Variants in RAB14 observed in about 807,000 individuals in gnomAD.
RAB14 encodes the protein RAB14, member RAS oncogene family.
Under a neutral mutation model 31.1 loss-of-function variants are expected in RAB14, and 3 were observed. The ratio of observed to expected loss-of-function variants is 0.10; its 90% CI spans 0.04 to 0.25. RAB14 has a LOEUF of 0.25. RAB14 is among the 10% of genes least tolerant of loss of function. The probability of loss-of-function intolerance (pLI) is 1.00; values close to 1 mark genes in which losing one functional copy is unlikely to be tolerated. For missense variants in RAB14, 111 were observed against 260.1 expected (o/e 0.43, Z 3.94); for synonymous variants, 85 against 84.9 (o/e 1.00, Z 0.00).
At chr9:121,182,213 C>G (rs996882769) in intron 7 of RAB14, among the ~76,000 whole-genome samples, 4 of 152,282 alleles carry the variant, frequency 2.6e-5, no homozygotes, top group African/African-American at 9.6e-5. Context: ...AGAGAGGATA[C>G]TCCAAACAGA....
At chr9:121,182,143 T>G (rs925915298) in intron 7 of RAB14, among the ~76,000 whole-genome samples, 5 of 152,204 alleles carry the variant, frequency 3.3e-5, no homozygotes, top group Non-Finnish European at 7.3e-5. Flanking sequence ...TATGCAATCA[T>G]TAAAATACTG....
chr9:121,193,121 C>T (rs2053695848), intron 2 of RAB14, among the ~76,000 whole-genome samples: 2 of 152,072 alleles, frequency 1.3e-5, no homozygotes, highest in Non-Finnish European at 2.9e-5. Context: ...TTTCAAGCAG[C>T]CCTCAAGAAC....
At chr9:121,198,728 A>G (rs762701464) in intron 1 of RAB14, among the ~76,000 whole-genome samples, 1 of 152,228 alleles carries the variant, frequency 6.6e-6, no homozygotes, top group African/African-American at 2.4e-5. Context: ...TTAGCAAGAC[A>G]GCAATGATCA....
rs564562685 is a variant in RAB14, at chr9:121,182,393, G to A, written c.470+537C>T. On this transcript the variant is annotated intron_variant, in intron 7 of 7. Transcript: ENST00000373840. ...ACTAATAGCACAGCTGAGACTAAAC[G>A]AAAACAGGTTAGCCTCTCCTCACCA... Among the ~76,000 whole-genome samples, 113 of 152,276 alleles carry A rather than the reference G, an allele frequency of 7.4e-4. 1 individual carries two copies. The South Asian group carries it at 8.5e-3, about 11-fold the overall frequency.
In RAB14 at chr9:121,181,046, CCGTA is replaced by C; in HGVS notation, c.*346_*349del. The C allele has an allele frequency of 5.6e-6, 1 of 177,168 alleles. No individual in the cohort carries two copies. Among genetic ancestry groups the C allele is most frequent in the Non-Finnish European group, 1.2e-5 (1 of 84,584 alleles). 11.0% of individuals were successfully genotyped at this position (177,168 alleles called of 1,614,324 possible). ...AGGCTTAAGATATCACCAAATTAAA[CCGTA>C]CAGTGAGACAAAGCCTTGCCAAAGG... is the stretch of plus-strand genomic sequence containing the variant. On this transcript the variant is annotated 3_prime_UTR_variant, in exon 8 of 8. Transcript: ENST00000373840.
intron 5 of RAB14, among the ~76,000 whole-genome samples, chr9:121,183,940 A>G (rs2053646632): frequency 6.6e-6 from 1 of 152,202 alleles, no homozygotes; most frequent in Admixed American, 6.5e-5. Context: ...AGAGGAGAAG[A>G]TTCATGGCTT....
At chr9:121,182,658 A>C (rs1300563888) in intron 7 of RAB14, among the ~76,000 whole-genome samples, 1 of 152,230 alleles carries the variant, frequency 6.6e-6, no homozygotes, top group Non-Finnish European at 1.5e-5. Flanking sequence ...GGAAAAGTCA[A>C]ACACTTTTGA....
At chr9:121,189,765 C>A (rs2053676744) in intron 4 of RAB14, among the ~76,000 whole-genome samples, 1 of 152,102 alleles carries the variant, frequency 6.6e-6, no homozygotes, top group Admixed American at 6.6e-5. Context: ...GCTTTAAACT[C>A]TAATTATCAC....
intron 1 of RAB14, among the ~76,000 whole-genome samples, chr9:121,196,214 T>C (rs919808016): frequency 6.6e-6 from 1 of 152,156 alleles, no homozygotes; most frequent in African/African-American, 2.4e-5. Context: ...ATTCTATAAC[T>C]TGTATACAAC....
At chr9:121,192,925 GA>G (rs1263754608) in intron 2 of RAB14, among the ~76,000 whole-genome samples, 3 of 151,610 alleles carry the variant, frequency 2.0e-5, no homozygotes, top group African/African-American at 7.3e-5. Flanking sequence ...GAAACTTAAG[GA>G]AAAAAACACC....
intron 5 of RAB14, among the ~76,000 whole-genome samples, chr9:121,184,916 C>T (rs1054977822): frequency 1.3e-5 from 2 of 152,196 alleles, no homozygotes; most frequent in Admixed American, 1.3e-4. Flanking sequence ...AGAAATACTG[C>T]CCTGCTCCTG....
intron 2 of RAB14, among the ~76,000 whole-genome samples, chr9:121,192,749 T>C (rs545289614): frequency 5.9e-5 from 9 of 152,212 alleles, no homozygotes; most frequent in African/African-American, 1.2e-4. Flanking sequence ...GACTGTACTA[T>C]AGCAATGTTA....
At chr9:121,194,145 G>A (rs1241745166) in intron 1 of RAB14, among the ~76,000 whole-genome samples, 5 of 143,054 alleles carry the variant, frequency 3.5e-5, no homozygotes, top group African/African-American at 1.3e-4. Context: ...TTGAAGACCA[G>A]GCTGGTCTTG....
At chr9:121,195,132 T>C (rs1564321793) in intron 1 of RAB14, among the ~76,000 whole-genome samples, 1 of 152,160 alleles carries the variant, frequency 6.6e-6, no homozygotes, top group Non-Finnish European at 1.5e-5. Context: ...AGACTAAAAC[T>C]GGTCTGGATT....
intron 2 of RAB14, 70 bp downstream of exon 2, chr9:121,193,287 TTAAG>T: frequency 1.0e-6 from 1 of 1,002,078 alleles, no homozygotes. Context: ...GTGGTACTGT[TTAAG>T]TATTAACATA....
chr9:121,189,904 A>G (rs1222566781), intron 4 of RAB14, among the ~76,000 whole-genome samples: 1 of 152,124 alleles, frequency 6.6e-6, no homozygotes, highest in African/African-American at 2.4e-5. Context: ...TGCAGGGTCT[A>G]ATCAAGTGGC....
At position 121,192,183 on chromosome 9, in the gene RAB14, T is replaced by C; in HGVS notation, c.94A>G (p.Thr32Ala). The change falls in exon 3 of 8, where the codon ACA (threonine) becomes GCA (alanine). Residue 32 changes from threonine to alanine, a missense_variant. Physicochemically the swap from Thr to Ala is moderately conservative, Grantham distance 58. Coordinates refer to ENST00000373840, the MANE Select transcript of RAB14 (RefSeq NM_016322.4). Reference sequence around the variant, plus strand: ...GTATTGAACTTACATTTTTTTTCTGTAAATTGATGAAGCAAGCAAGATTTT... The same window carrying C: ...GTATTGAACTTACATTTTTTTTCTGCAAATTGATGAAGCAAGCAAGATTTT... ...VGKSCLLHQF[T>A]EKKFMADCPH... 1 of 1,596,198 alleles carries C rather than the reference T, an allele frequency of 6.3e-7. No individual in the cohort carries two copies. Among genetic ancestry groups the C allele is most frequent in the Non-Finnish European group, 8.6e-7 (1 of 1,167,642 alleles).
intron 1 of RAB14, among the ~76,000 whole-genome samples, chr9:121,197,550 A>ATTAATT (rs2053724925): frequency 6.6e-6 from 1 of 152,248 alleles, no homozygotes; most frequent in East Asian, 1.9e-4. Flanking sequence ...TATTGTTGTG[A>ATTAATT]CAAAAATAGA....
At position 121,180,061 on chromosome 9, in the gene RAB14, C is replaced by CT. The variant is rs2053624803; in HGVS notation, c.*1334dup. 6.6e-6 allele frequency: 1 copy of CT among 152,648 alleles called. No individual in the cohort carries two copies. Among genetic ancestry groups the CT allele is most frequent in the African/African-American group, 2.4e-5 (1 of 41,460 alleles). 9.5% of individuals were successfully genotyped at this position (152,648 alleles called of 1,614,324 possible). On this transcript the variant is annotated 3_prime_UTR_variant, in exon 8 of 8. Transcript: ENST00000373840. Reference sequence around the variant, plus strand: ...CAAACCACCTGGTGCAAAGTAATAACTTACTTTGTATCAGCACAAGCGCTG... The same window carrying CT: ...CAAACCACCTGGTGCAAAGTAATAACTTTACTTTGTATCAGCACAAGCGCTG...
Sources: allele counts gnomAD v4.1 joint callset (sites outside exome capture counted in the v4.1 genomes callset), GRCh38; gene constraint gnomAD v4.1.1; transcripts MANE v1.5; gene names NCBI Gene and HGNC (gene_info 2026-07-23, HGNC 2026-07-21).